Variants in ASB3 observed in about 807,000 individuals in gnomAD.
ASB3 encodes ankyrin repeat and SOCS box containing 3.
In ASB3, 41 loss-of-function variants were observed where a neutral mutation model predicts 54.5. That is an observed-to-expected ratio of 0.75 (90% CI 0.59 to 0.98). ASB3 has a LOEUF of 0.98. Ranked by LOEUF, ASB3 falls within the 50% of genes least tolerant of loss-of-function variation. The pLI is 0.00. For synonymous variants in ASB3, 266 were observed against 221.2 expected (o/e 1.20, Z -1.80); for missense variants, 733 against 620.0 (o/e 1.18, Z -1.94).
intron 1 of ASB3, among the ~76,000 whole-genome samples, chr2:53,770,988 C>G (rs1375401158): frequency 6.6e-6 from 1 of 152,152 alleles, no homozygotes; most frequent in Non-Finnish European, 1.5e-5. Context: ...CTTAATATCC[C>G]CTGGTAGCAG....
rs116013740 is a variant in ASB3, at chr2:53,749,554, C to G, written c.355+1229G>C. ...TAAACAGTGAAAACAACTCAAATAT[C>G]CAACTGATAAATGGATAAACTGTAT... On this transcript the variant is annotated intron_variant, in intron 3 of 9. Transcript: ENST00000263634. Among the ~76,000 whole-genome samples, 1,415 of 152,138 alleles carry G rather than the reference C, an allele frequency of 9.3e-3. 25 individuals are homozygous for G. The highest frequency in any genetic ancestry group is 0.032 in the African/African-American group (1,342 of 41,532).
intron 3 of ASB3, among the ~76,000 whole-genome samples, chr2:53,749,209 A>G (rs1672390080): frequency 1.3e-5 from 2 of 152,120 alleles, no homozygotes; most frequent in South Asian, 4.1e-4. Context: ...GATGCTCAAC[A>G]TCATTGGCAA....
intron 1 of ASB3, among the ~76,000 whole-genome samples, chr2:53,773,283 TA>T (rs931409515): frequency 8.0e-5 from 12 of 150,192 alleles, no homozygotes; most frequent in Admixed American, 4.0e-4. Flanking sequence ...AAGACCAAAT[TA>T]AAAAAAAATT....
chr2:53,765,452 T>TA lies in ASB3; in HGVS notation c.120dup (p.Asn41Ter). The TA allele has an allele frequency of 1.9e-6, 3 of 1,614,244 alleles. No individual in the cohort carries two copies. The highest frequency in any genetic ancestry group is 2.5e-6 in the Non-Finnish European group (3 of 1,180,032). On this transcript the variant is annotated frameshift_variant, in exon 2 of 10. Transcript: ENST00000263634. LOFTEE classifies it high-confidence loss of function. ...TCATGAATTGGCATCCATCCCCTGT[T>TA]ATCAGCAACATCGACACTTCGGCCC... is the stretch of plus-strand genomic sequence containing the variant.
At chr2:53,740,364 C>A (rs1433209410) in intron 3 of ASB3, among the ~76,000 whole-genome samples, 1 of 152,162 alleles carries the variant, frequency 6.6e-6, no homozygotes, top group Non-Finnish European at 1.5e-5. Context: ...TGTGTTCATA[C>A]TGACATCTGG....
chr2:53,690,053 T>C (rs895124508), intron 9 of ASB3, among the ~76,000 whole-genome samples: 1 of 151,610 alleles, frequency 6.6e-6, no homozygotes, highest in African/African-American at 2.4e-5. Flanking sequence ...CCGGGTAACA[T>C]GGCGAAACCC....
Position 53,693,993 on chromosome 2 carries a change from G to A in ASB3, c.1260C>T (p.Asp420=), listed in dbSNP as rs754365495. The change falls in exon 9 of 10, where the codon GAC becomes GAT. Residue 420 remains aspartate (D), a synonymous_variant. Coordinates refer to ENST00000263634, the MANE Select transcript of ASB3 (RefSeq NM_016115.5). ...TAAACTCCAAAGTGAAGATAAGGGTGTCAATGCTGACTGAGTCAATCCTAT... is the reference window on the plus strand; with the variant it reads ...TAAACTCCAAAGTGAAGATAAGGGTATCAATGCTGACTGAGTCAATCCTAT... The part of the protein sequence containing the change: ...CNSWIDSVSI[D]TLIFTLEFTN... The A allele has an allele frequency of 1.5e-5, 25 of 1,613,366 alleles. No homozygotes were observed. In the East Asian group the frequency reaches 4.9e-4, roughly 32 times the overall value.
intron 9 of ASB3, among the ~76,000 whole-genome samples, chr2:53,677,214 T>C (rs998566993): frequency 2.6e-5 from 4 of 152,190 alleles, no homozygotes; most frequent in African/African-American, 7.2e-5. Flanking sequence ...TAGCCTCAGG[T>C]GTGTAGTAGG....
At chr2:53,727,527 T>G (rs577905349) in intron 5 of ASB3, among the ~76,000 whole-genome samples, 1 of 152,196 alleles carries the variant, frequency 6.6e-6, no homozygotes, top group South Asian at 2.1e-4. Context: ...TCGCAGCTAT[T>G]TGGTAGGCTA....
At chr2:53,767,888 T>G (rs377592871) in intron 1 of ASB3, 1 of 1,609,946 alleles carries the variant, frequency 6.2e-7, no homozygotes, top group Non-Finnish European at 8.5e-7. Context: ...CGCGAGAAGA[T>G]GTGGGTTTTT....
At chr2:53,783,793 G>T (rs1674785890) in intron 1 of ASB3, among the ~76,000 whole-genome samples, 1 of 152,170 alleles carries the variant, frequency 6.6e-6, no homozygotes, top group Non-Finnish European at 1.5e-5. Flanking sequence ...GACATATGAA[G>T]TCTGTGGAAA....
At chr2:53,707,250 T>G (rs944147181) in intron 7 of ASB3, among the ~76,000 whole-genome samples, 2 of 152,240 alleles carry the variant, frequency 1.3e-5, no homozygotes, top group African/African-American at 2.4e-5. Flanking sequence ...CACATGTGGC[T>G]GGTGGCTACC....
intron 3 of ASB3, among the ~76,000 whole-genome samples, chr2:53,741,842 G>T (rs150863538): frequency 6.6e-6 from 1 of 152,052 alleles, no homozygotes; most frequent in Non-Finnish European, 1.5e-5. Flanking sequence ...TCCATTTTTA[G>T]TAAAACTATA....
intron 9 of ASB3, among the ~76,000 whole-genome samples, chr2:53,687,647 A>G (rs1342835791): frequency 6.6e-6 from 1 of 152,198 alleles, no homozygotes; most frequent in Non-Finnish European, 1.5e-5. Context: ...AAGGCCCACT[A>G]CTGCCCCACT....
chr2:53,676,520 G>C (rs142452811), intron 9 of ASB3, among the ~76,000 whole-genome samples: 1 of 152,160 alleles, frequency 6.6e-6, no homozygotes, highest in South Asian at 2.1e-4. Context: ...TTATAATGGA[G>C]CTGAAAAATT....
intron 3 of ASB3, among the ~76,000 whole-genome samples, chr2:53,736,735 C>G (rs1256266050): frequency 6.7e-6 from 1 of 150,044 alleles, no homozygotes; most frequent in Non-Finnish European, 1.5e-5. Flanking sequence ...GGCACAGTGG[C>G]TCATACCTGT....
At chr2:53,739,871 G>A (rs963673289) in intron 3 of ASB3, among the ~76,000 whole-genome samples, 1 of 152,050 alleles carries the variant, frequency 6.6e-6, no homozygotes, top group Non-Finnish European at 1.5e-5. Flanking sequence ...ACAAGGTCTT[G>A]CTATGTTGCC....
At chr2:53,700,599 TTAA>T in intron 7 of ASB3, 71 bp from the exon 8 acceptor site, 1 of 1,517,122 alleles carries the variant, frequency 6.6e-7, no homozygotes, top group South Asian at 1.4e-5. Context: ...TTACAAACAG[TTAA>T]TAGTAGTTAC....
At chr2:53,701,547 T>C (rs1037535353) in intron 7 of ASB3, among the ~76,000 whole-genome samples, 1 of 152,168 alleles carries the variant, frequency 6.6e-6, no homozygotes, top group Admixed American at 6.5e-5. Context: ...TAGAGCCAGA[T>C]CTATGTTTTC....
Sources: allele counts gnomAD v4.1 joint callset (sites outside exome capture counted in the v4.1 genomes callset), GRCh38; gene constraint gnomAD v4.1.1; transcripts MANE v1.5; gene names NCBI Gene and HGNC (gene_info 2026-07-23, HGNC 2026-07-21).